ZNF513: variants seen among roughly 807,000 people sequenced by gnomAD.
ZNF513 encodes zinc finger protein 513.
A neutral mutation model predicts 39.7 loss-of-function variants in ZNF513; 16 were observed. The ratio of observed to expected loss-of-function variants is 0.40; its 90% CI spans 0.27 to 0.61. The LOEUF (loss-of-function observed/expected upper bound fraction) is 0.61. Among genes scored for constraint, ZNF513 ranks in the 20% least tolerant of loss-of-function variants. The pLI is 0.39. For synonymous variants in ZNF513, 348 were observed against 296.5 expected, an observed-to-expected ratio of 1.17 and a Z score of -1.79; for missense variants, 699 against 743.6, an observed-to-expected ratio of 0.94 and a Z score of 0.70.
chr2:27,380,437 C>G, intron 1 of ZNF513, 35 bp downstream of exon 1: 2 of 1,582,052 alleles, frequency 1.3e-6, no homozygotes, highest in Non-Finnish European at 1.7e-6. Context: ...GACCCCACCC[C>G]CGCTCCTCTC....
At position 27,380,226 on chromosome 2, in the gene ZNF513, G is replaced by A. The variant is rs775737818; in HGVS notation, c.78C>T (p.Asp26=). The A allele has an allele frequency of 6.8e-6, 11 of 1,613,734 alleles. No homozygotes were observed. In the South Asian group the frequency reaches 1.2e-4, roughly 18 times the overall value. The stretch of plus-strand genomic sequence containing the variant: ...CCAATACCAGGGCCCCGGGTCCTTC[G>A]TCGAGGGAGTCTTCAGTATCCACTG... The part of the protein sequence containing the change: ...GVKVDTEDSL[D]EGPGALVLES... The change falls in exon 2 of 4, where the codon GAC becomes GAT. Residue 26 remains aspartate, a synonymous_variant. Coordinates refer to ENST00000323703, the MANE Select transcript of ZNF513 (RefSeq NM_144631.6).
In ZNF513 at chr2:27,378,320, C is replaced by A. The variant is rs771714698; in HGVS notation, c.851G>T (p.Ser284Ile). 1 of 1,601,240 alleles carries A rather than the reference C, an allele frequency of 6.2e-7. No homozygotes were observed. The highest frequency in any genetic ancestry group is 8.5e-7 in the Non-Finnish European group (1 of 1,179,968). Reference sequence around the variant, plus strand: ...CAGCTGCCCACAGTCTGGCAGGAAACTGGCACCACCTGGTGGCACATGGAG... The same window carrying A: ...CAGCTGCCCACAGTCTGGCAGGAAAATGGCACCACCTGGTGGCACATGGAG... Reference protein sequence around the residue: ...LSLHVPPGGASFLPDCGQLRG... With the variant: ...LSLHVPPGGAIFLPDCGQLRG... The change falls in exon 4 of 4, where the codon AGT (serine) becomes ATT (isoleucine). Residue 284 changes from serine (S) to isoleucine (I), a missense_variant. By Grantham distance (142) the Ser-to-Ile change is moderately radical. This residue lies in a region of ZNF513 where 530 missense variants were observed against 499.3 expected (regional missense o/e 1.06). Transcript: ENST00000323703. This position sits in a 1 kb window ranked among gnomAD's most constrained non-coding sequence, Gnocchi z 8.0.
In ZNF513 at chr2:27,380,197, C is replaced by G; in HGVS notation, c.107G>C (p.Ser36Thr). 1 of 1,614,100 alleles carries G rather than the reference C, an allele frequency of 6.2e-7. No homozygotes were observed. The highest frequency in any genetic ancestry group is 8.5e-7 in the Non-Finnish European group (1 of 1,180,016). ...DEGPGALVLE[S>T]DLLLGQDLEF... ...CAGATCCTGGCCTAGTAGCAAATCA[C>G]TCTCCAATACCAGGGCCCCGGGTCC... is the stretch of plus-strand genomic sequence containing the variant. Residue 36 changes from serine to threonine, a missense_variant, in exon 2 of 4, where the codon AGT becomes ACT. Physicochemically the swap from Ser to Thr is moderately conservative, Grantham distance 58. Coordinates refer to ENST00000323703, the MANE Select transcript of ZNF513 (RefSeq NM_144631.6).
rs1683558041 is a variant in ZNF513, at chr2:27,380,214, C to T, written c.90G>A (p.Gly30=). ...DTEDSLDEGP[G]ALVLESDLLL... ...GCAAATCACTCTCCAATACCAGGGCCCCGGGTCCTTCGTCGAGGGAGTCTT... is the reference window on the plus strand; with the variant it reads ...GCAAATCACTCTCCAATACCAGGGCTCCGGGTCCTTCGTCGAGGGAGTCTT... Residue 30 remains glycine (G), a synonymous_variant, in exon 2 of 4, where the codon GGG becomes GGA. Coordinates refer to ENST00000323703, the MANE Select transcript of ZNF513 (RefSeq NM_144631.6). 6.2e-7 allele frequency: 1 copy of T among 1,614,092 alleles called. No homozygotes were observed. The highest frequency in any genetic ancestry group is 1.7e-4 in the Middle Eastern group (1 of 6,060).
intron 2 of ZNF513, 147 bp from the exon 3 acceptor site, chr2:27,379,201 C>T (rs918382322): frequency 6.8e-6 from 5 of 736,412 alleles, no homozygotes; most frequent in African/African-American, 5.3e-5. Flanking sequence ...ATCAAGGTCT[C>T]CCCTGCAGTA....
In ZNF513 at chr2:27,378,275, A is replaced by T. The variant is rs377462187; in HGVS notation, c.896T>A (p.Leu299His). Residue 299 changes from leucine (L) to histidine (H), a missense_variant, in exon 4 of 4, where the codon CTC (leucine) becomes CAC (histidine). By Grantham distance (99) the Leu-to-His change is moderately conservative. Around this residue, in one of 3 missense-constraint regions of ZNF513, gnomAD observed 530 missense variants for 499.3 expected, o/e 1.06. Coordinates refer to ENST00000323703, the MANE Select transcript of ZNF513 (RefSeq NM_144631.6). The surrounding 1 kb of genome is among the most constrained non-coding windows in gnomAD (Gnocchi z 8.0). ...CAGTGGTTCTGATCCAGTCCCGCAG[A>T]GGCCCTCCCCTTCACCCCGCAGCTG... is the stretch of plus-strand genomic sequence containing the variant. ...CGQLRGEGEGLCGTGSEPLPE... is the reference protein window; with the variant it reads ...CGQLRGEGEGHCGTGSEPLPE... 24 of 1,601,070 alleles carry T rather than the reference A, an allele frequency of 1.5e-5. No individual in the cohort carries two copies. Among genetic ancestry groups the T allele is most frequent in the Non-Finnish European group, 1.9e-5 (23 of 1,179,958 alleles).
In ZNF513 at chr2:27,377,535, A is replaced by C. The variant is rs1251306896; in HGVS notation, c.*10T>G. The C allele has an allele frequency of 6.2e-7, 1 of 1,613,640 alleles. No individual in the cohort carries two copies. Among genetic ancestry groups the C allele is most frequent in the East Asian group, 2.2e-5 (1 of 44,874 alleles). ...CCGTCTGTATAAAACATGGGGAAGA[A>C]GGACCTAGTTCAGGATGAGTCTGTG... On this transcript the variant is annotated 3_prime_UTR_variant, in exon 4 of 4. Coordinates refer to ENST00000323703, the MANE Select transcript of ZNF513 (RefSeq NM_144631.6). This position sits in a 1 kb window ranked among gnomAD's most constrained non-coding sequence, Gnocchi z 4.4.
Position 27,377,965 on chromosome 2 carries a change from G to A in ZNF513, c.1206C>T (p.Asn402=). 1 of 1,614,050 alleles carries A rather than the reference G, an allele frequency of 6.2e-7. No individual in the cohort carries two copies. Among genetic ancestry groups the A allele is most frequent in the Non-Finnish European group, 8.5e-7 (1 of 1,179,914 alleles). ...TATGGACGCGCTGGTGCCGTTTCAG[G>A]TTATCCAGATGAGCAGAGGCATAAG... is the stretch of plus-strand genomic sequence containing the variant. The part of the protein sequence containing the change: ...RCPYASAHLD[N]LKRHQRVHTG... The change falls in exon 4 of 4, where the codon AAC becomes AAT. Residue 402 remains asparagine (N), a synonymous_variant. Coordinates refer to ENST00000323703, the MANE Select transcript of ZNF513 (RefSeq NM_144631.6). The surrounding 1 kb of genome is among the most constrained non-coding windows in gnomAD (Gnocchi z 4.4).
At chr2:27,380,029 C>T in intron 2 of ZNF513, 64 bp downstream of exon 2, 1 of 1,608,906 alleles carries the variant, frequency 6.2e-7, no homozygotes, top group Non-Finnish European at 8.5e-7. Context: ...TTCACCTAAC[C>T]TGCCTCCTGA....
Position 27,377,385 on chromosome 2 carries a change from G to A in ZNF513, c.*160C>T, listed in dbSNP as rs962394772. The A allele has an allele frequency of 1.9e-5, 15 of 797,052 alleles. No homozygotes were observed. Among genetic ancestry groups the A allele is most frequent in the Non-Finnish European group, 3.2e-5 (15 of 471,594 alleles). The allele number at this position is 797,052 out of a possible 1,614,324, so 49.4% of individuals were successfully genotyped here. ...CTCACTGAGCTCGTGAAGTGCCTCA[G>A]TCAAGGCAAGGTCCCCTGGTCCATA... is the stretch of plus-strand genomic sequence containing the variant. On this transcript the variant is annotated 3_prime_UTR_variant, in exon 4 of 4. Coordinates refer to ENST00000323703, the MANE Select transcript of ZNF513 (RefSeq NM_144631.6). This position sits in a 1 kb window ranked among gnomAD's most constrained non-coding sequence, Gnocchi z 4.4.
At position 27,380,455 on chromosome 2, in the gene ZNF513, G is replaced by A. The variant is rs1340263622; in HGVS notation, c.55+17C>T. 6.0e-5 allele frequency: 94 copies of A among 1,572,362 alleles called. No individual in the cohort carries two copies. Among genetic ancestry groups the A allele is most frequent in the Non-Finnish European group, 7.5e-5 (87 of 1,159,578 alleles). On this transcript the variant is annotated intron_variant, in intron 1 of 3. Transcript: ENST00000323703. ...CCCACCCCCGCTCCTCTCCCCTCAA[G>A]GCCCCTGACCCCTGACCTTTGACCC... is the stretch of plus-strand genomic sequence containing the variant.
In ZNF513 at chr2:27,377,749, A is replaced by G; in HGVS notation, c.1422T>C (p.Cys474=). ...LRHTGEKPFR[C]ATCAYTTGHW... is the part of the protein sequence containing the mutation. ...GGCCCGTGGTATAGGCGCAGGTGGC[A>G]CAGCGGAAGGGCTTCTCGCCTGTGT... The change falls in exon 4 of 4, where the codon TGT becomes TGC. Residue 474 remains cysteine (C), a synonymous_variant. Coordinates refer to ENST00000323703, the MANE Select transcript of ZNF513 (RefSeq NM_144631.6). This position sits in a 1 kb window ranked among gnomAD's most constrained non-coding sequence, Gnocchi z 4.4. The G allele has an allele frequency of 6.2e-7, 1 of 1,614,198 alleles. No homozygotes were observed. The highest frequency in any genetic ancestry group is 1.1e-5 in the South Asian group (1 of 91,080).
Position 27,378,209 on chromosome 2 carries a change from T to C in ZNF513, c.962A>G (p.Gln321Arg). Residue 321 changes from glutamine to arginine, a missense_variant, in exon 4 of 4, where the codon CAA (glutamine) becomes CGA (arginine). By Grantham distance (43) the Gln-to-Arg change is conservative (BLOSUM62 1). This residue lies in a region of ZNF513 where 530 missense variants were observed against 499.3 expected (regional missense o/e 1.06). Coordinates refer to ENST00000323703, the MANE Select transcript of ZNF513 (RefSeq NM_144631.6). The surrounding 1 kb of genome is among the most constrained non-coding windows in gnomAD (Gnocchi z 8.0). The stretch of plus-strand genomic sequence containing the variant: ...ACTACCCTCACCCTCCTCCAGCTCT[T>C]GTCCACAGCCCCGGCAGGTCCAAGG... Reference protein sequence around the residue: ...LFPWTCRGCGQELEEGEGSRL... With the variant: ...LFPWTCRGCGRELEEGEGSRL... 6.2e-7 allele frequency: 1 copy of C among 1,608,098 alleles called. No individual in the cohort carries two copies. Among genetic ancestry groups the C allele is most frequent in the South Asian group, 1.1e-5 (1 of 91,086 alleles).
intron 1 of ZNF513, 39 bp from the exon 2 acceptor site, chr2:27,380,287 A>C (rs565698896): frequency 6.2e-7 from 1 of 1,613,640 alleles, no homozygotes; most frequent in East Asian, 2.2e-5. Context: ...TCCCTCAGGA[A>C]CCAGCCCTCG....
At position 27,377,434 on chromosome 2, in the gene ZNF513, G is replaced by C; in HGVS notation, c.*111C>G. 1 of 1,219,378 alleles carries C rather than the reference G, an allele frequency of 8.2e-7. No individual in the cohort carries two copies. Among genetic ancestry groups the C allele is most frequent in the Non-Finnish European group, 1.2e-6 (1 of 846,332 alleles). The allele number at this position is 1,219,378 out of a possible 1,614,324, so 75.5% of individuals were successfully genotyped here. ...TATGGGCCCCCCCGCCCATGGGGTT[G>C]GGCTGGTCCTTATAGTGCCTACGTT... On this transcript the variant is annotated 3_prime_UTR_variant, in exon 4 of 4. Transcript: ENST00000323703. The surrounding 1 kb of genome is among the most constrained non-coding windows in gnomAD (Gnocchi z 4.4).
rs749661340 is a variant in ZNF513, at chr2:27,380,297, G to T, written c.56-49C>A. On this transcript the variant is annotated intron_variant, in intron 1 of 3. Coordinates refer to ENST00000323703, the MANE Select transcript of ZNF513 (RefSeq NM_144631.6). ...GATTCTCCCTCAGGAACCAGCCCTC[G>T]TGGACCACACTTCCCGTACTCGCTG... is the stretch of plus-strand genomic sequence containing the variant. 24 of 1,613,492 alleles carry T rather than the reference G, an allele frequency of 1.5e-5. No individual in the cohort carries two copies. The South Asian group carries it at 2.6e-4, about 18-fold the overall frequency.
chr2:27,379,770 T>C (rs538782932), intron 2 of ZNF513, among the ~76,000 whole-genome samples: 2 of 152,274 alleles, frequency 1.3e-5, no homozygotes, highest in East Asian at 3.9e-4. Flanking sequence ...TACAGAGAGT[T>C]TGCTTCCCTG....
chr2:27,377,329 T>G lies in ZNF513; in HGVS notation c.*216A>C. Reference sequence around the variant, plus strand: ...CCCCAGCCGGTTTGTCCACAGCCCCTGGGGGCAGTGGAGGTGAATACAGGG... The same window carrying G: ...CCCCAGCCGGTTTGTCCACAGCCCCGGGGGGCAGTGGAGGTGAATACAGGG... On this transcript the variant is annotated 3_prime_UTR_variant, in exon 4 of 4. Transcript: ENST00000323703. This position sits in a 1 kb window ranked among gnomAD's most constrained non-coding sequence, Gnocchi z 4.4. 1.4e-6 allele frequency: 1 copy of G among 694,394 alleles called. No individual in the cohort carries two copies. Among genetic ancestry groups the G allele is most frequent in the Non-Finnish European group, 2.6e-6 (1 of 382,016 alleles). The allele number at this position is 694,394 out of a possible 1,614,324, so 43.0% of individuals were successfully genotyped here.
intron 1 of ZNF513, 40 bp downstream of exon 1, chr2:27,380,432 C>A (rs772138785): frequency 6.3e-7 from 1 of 1,578,080 alleles, no homozygotes; most frequent in East Asian, 2.4e-5. Context: ...CCACTGACCC[C>A]ACCCCCGCTC....
Sources: gnomAD v4.1 joint callset for allele counts (sites outside exome capture counted in the v4.1 genomes callset) on GRCh38, gnomAD v4.1.1 for gene constraint, gnomAD v4.1.1 regional missense constraint, Gnocchi (gnomAD v3.1) non-coding constraint, MANE v1.5 for transcripts, NCBI Gene and HGNC (gene_info 2026-07-23, HGNC 2026-07-21) for gene names.